The following KANK3 variants were observed in gnomAD, a reference collection of about 807,000 sequenced individuals.
KANK3 encodes the protein KN motif and ankyrin repeat domain-containing protein 3.
Under a neutral mutation model 65.4 loss-of-function variants are expected in KANK3, and 61 were observed. The observed-to-expected ratio is 0.93, with a 90% CI of 0.76 to 1.15. KANK3 has a LOEUF of 1.15. Among genes scored for constraint, KANK3 ranks in the 50% most tolerant of loss-of-function variants. The pLI is 0.00. For synonymous variants in KANK3, 586 were observed against 543.3 expected (o/e 1.08, Z -1.09); for missense variants, 1,187 against 1,178.8 (o/e 1.01, Z -0.10).
intron 1 of KANK3, among the ~76,000 whole-genome samples, chr19:8,338,335 T>C (rs1377894750): frequency 6.6e-6 from 1 of 152,048 alleles, no homozygotes; most frequent in East Asian, 1.9e-4. Flanking sequence ...CTTGAAACTT[T>C]GGATGGAATG....
chr19:8,322,964 T>C (rs956659410), intron 10 of KANK3, 42 bp from the exon 11 acceptor site: 32 of 1,153,624 alleles, frequency 2.8e-5, no homozygotes, highest in Non-Finnish European at 3.8e-5. Context: ...GCAATCTCCT[T>C]GAGGCAGGAA....
chr19:8,335,687 T>C lies in KANK3; in HGVS notation c.140A>G (p.Asp47Gly). The C allele has an allele frequency of 8.0e-7, 1 of 1,253,932 alleles. No individual in the cohort carries two copies. The highest frequency in any genetic ancestry group is 1.0e-6 in the Non-Finnish European group (1 of 995,382). 77.7% of individuals were successfully genotyped at this position (1,253,932 alleles called of 1,614,324 possible). Residue 47 changes from aspartate (D) to glycine (G), a missense_variant, in exon 3 of 11, where the codon GAC becomes GGC. By Grantham distance (94) the Asp-to-Gly change is moderately conservative. Around this residue, in one of 3 missense-constraint regions of KANK3, gnomAD observed 104 missense variants for 122.1 expected, o/e 0.85. Transcript: ENST00000330915. ...CAGCTCCTCTATGTACTTGAGGAAG[T>C]CCAGGTCCAGGTGGAAGCCGTAGGG... ...ETPYGFHLDL[D>G]FLKYIEELER...
At chr19:8,337,945 A>AAT in intron 1 of KANK3, 89 bp from the exon 2 acceptor site, 1 of 1,546,524 alleles carries the variant, frequency 6.5e-7, no homozygotes, top group Non-Finnish European at 8.7e-7. Flanking sequence ...ACAGGACCCA[A>AAT]GAGCTCTCCT....
At position 8,324,843 on chromosome 19, in the gene KANK3, G is replaced by A; in HGVS notation, c.2083-13C>T. ...CTGTCTGCCCCGTCTGGGGAGTGGG[G>A]AGGAAGAGGGAACAGGCTGGGGTAG... On this transcript the variant is annotated splice_polypyrimidine_tract_variant and intron_variant, in intron 8 of 10. Transcript: ENST00000330915. 6.2e-7 allele frequency: 1 copy of A among 1,606,586 alleles called. No individual in the cohort carries two copies. The highest frequency in any genetic ancestry group is 1.1e-5 in the South Asian group (1 of 90,914).
chr19:8,324,411 C>T (rs1970380896), intron 10 of KANK3, 38 bp downstream of exon 10: 4 of 1,536,276 alleles, frequency 2.6e-6, no homozygotes, highest in Non-Finnish European at 3.5e-6. Context: ...ACTGAATTTG[C>T]AGCTGGGAAA....
rs1293458907 is a variant in KANK3, at chr19:8,334,594, CT to C, written c.1232del (p.Lys411ArgfsTer14). The part of the protein sequence containing the change: ...TTQTPWSCAE[K>X]AAQTESPAEA... ...CTGCCGGGGACTCGGTCTGCGCGGC[CT>C]TTTCGGCACAGCTCCACGGGGTCTG... On this transcript the variant is annotated frameshift_variant, in exon 3 of 11. Transcript: ENST00000330915. LOFTEE classifies it high-confidence loss of function. 1.3e-6 allele frequency: 2 copies of C among 1,590,220 alleles called. No individual in the cohort carries two copies. Among genetic ancestry groups the C allele is most frequent in the Non-Finnish European group, 8.5e-7 (1 of 1,175,850 alleles).
intron 1 of KANK3, among the ~76,000 whole-genome samples, chr19:8,338,898 AAGG>A (rs1970686127): frequency 2.8e-5 from 3 of 107,786 alleles, no homozygotes; most frequent in African/African-American, 3.1e-5. Context: ...AAAAAAAAAA[AAGG>A]ATGTAATTGT....
At position 8,334,498 on chromosome 19, in the gene KANK3, AC is replaced by A; in HGVS notation, c.1327+1del. 6.2e-7 allele frequency: 1 copy of A among 1,605,166 alleles called. No individual in the cohort carries two copies. The highest frequency in any genetic ancestry group is 8.5e-7 in the Non-Finnish European group (1 of 1,179,508). On this transcript the variant is annotated splice_donor_variant, in intron 3 of 10. Coordinates refer to ENST00000330915, the MANE Select transcript of KANK3 (RefSeq NM_198471.3). LOFTEE classifies it high-confidence loss of function. Reference sequence around the variant, plus strand: ...GGGCCCAGCGACGGGGTCGGGACTCACCCGCGGGCGCCACGGCCCTGTCTCC... The same window carrying A: ...GGGCCCAGCGACGGGGTCGGGACTCACCGCGGGCGCCACGGCCCTGTCTCC...
rs1483402868 is a variant in KANK3 at position 8,324,979 on chromosome 19, A to G, written c.2054T>C (p.Met685Thr). 12 of 1,613,562 alleles carry G rather than the reference A, an allele frequency of 7.4e-6. No individual in the cohort carries two copies. Among genetic ancestry groups the G allele is most frequent in the Non-Finnish European group, 1.0e-5 (12 of 1,179,986 alleles). Residue 685 changes from methionine (M) to threonine (T), a missense_variant, in exon 8 of 11, where the codon ATG (methionine) becomes ACG (threonine). By Grantham distance (81) the Met-to-Thr change is moderately conservative. This residue lies in a region of KANK3 where 1,078 missense variants were observed against 1,038.2 expected (regional missense o/e 1.04). Coordinates refer to ENST00000330915, the MANE Select transcript of KANK3 (RefSeq NM_198471.3). The part of the protein sequence containing the change: ...DMAVVQRLFC[M>T]GDVNAKASQT... The stretch of plus-strand genomic sequence containing the variant: ...ACTGGCCTTGGCATTGACATCACCC[A>G]TGCAGAAGAGTCTCTGGACCACAGC...
At chr19:8,329,774 C>T (rs1970493841) in intron 7 of KANK3, among the ~76,000 whole-genome samples, 2 of 152,176 alleles carry the variant, frequency 1.3e-5, no homozygotes, top group South Asian at 2.1e-4. Context: ...GGGATTGGCT[C>T]ACTGTCAATC....
In KANK3 at chr19:8,324,765, C is replaced by G. The variant is rs772364975; in HGVS notation, c.2148G>C (p.Leu716=). ...HGRQDMVATL[L]ACGADVNAQD... ...GCGCATTCACATCAGCCCCACACGC[C>G]AGTAGGGTTGCCACCATGTCCTGTC... Residue 716 remains leucine, a synonymous_variant, in exon 9 of 11, where the codon CTG becomes CTC. Transcript: ENST00000330915. The G allele has an allele frequency of 3.1e-6, 5 of 1,613,978 alleles. No individual in the cohort carries two copies. The Admixed American group carries it at 8.3e-5, about 27-fold the overall frequency.
At chr19:8,332,985 T>TGGG in intron 7 of KANK3, 29 bp downstream of exon 7, 4 of 585,686 alleles carry the variant, frequency 6.8e-6, no homozygotes, top group Non-Finnish European at 1.3e-5. Flanking sequence ...CATTTCCTGG[T>TGGG]GTCCCACCCA....
rs1484111375 is a variant in KANK3 at position 8,335,363 on chromosome 19, C to T, written c.464G>A (p.Arg155His). The T allele has an allele frequency of 4.2e-6, 5 of 1,195,266 alleles. No individual in the cohort carries two copies. Among genetic ancestry groups the T allele is most frequent in the Non-Finnish European group, 5.2e-6 (5 of 965,024 alleles). The allele number at this position is 1,195,266 out of a possible 1,614,324, so 74.0% of individuals were successfully genotyped here. ...QTHERAPSPG[R>H]GVPRSPRGSG... The stretch of plus-strand genomic sequence containing the variant: ...CCCGCGTGGGCTGCGCGGGACCCCG[C>T]GGCCGGGGCTGGGCGCGCGCTCGTG... Residue 155 changes from arginine (R) to histidine (H), a missense_variant, in exon 3 of 11, where the codon CGC becomes CAC. This residue lies in a region of KANK3 where 1,078 missense variants were observed against 1,038.2 expected (regional missense o/e 1.04). Coordinates refer to ENST00000330915, the MANE Select transcript of KANK3 (RefSeq NM_198471.3).
chr19:8,329,238 A>G (rs763459938), intron 7 of KANK3, among the ~76,000 whole-genome samples: 6 of 149,958 alleles, frequency 4.0e-5, no homozygotes, highest in Admixed American at 2.0e-4. Flanking sequence ...TATAATCCCA[A>G]TACTTTGGGA....
intron 1 of KANK3, among the ~76,000 whole-genome samples, chr19:8,340,987 C>T (rs556801572): frequency 6.6e-6 from 1 of 152,162 alleles, no homozygotes; most frequent in South Asian, 2.1e-4. Flanking sequence ...CACAGCTGGC[C>T]GTATGACGCA....
At chr19:8,342,398 G>A (rs1047177517) in intron 1 of KANK3, among the ~76,000 whole-genome samples, 2 of 152,156 alleles carry the variant, frequency 1.3e-5, no homozygotes, top group Non-Finnish European at 1.5e-5. Flanking sequence ...TAAGTGGGGC[G>A]TTTAGCTGCC....
chr19:8,335,478 G>A lies in KANK3; in HGVS notation c.349C>T (p.Gln117Ter). 8.1e-7 allele frequency: 1 copy of A among 1,238,120 alleles called. No individual in the cohort carries two copies. The allele number at this position is 1,238,120 out of a possible 1,614,324, so 76.7% of individuals were successfully genotyped here. The change falls in exon 3 of 11, where the codon CAG becomes TAG. Residue 117 changes from glutamine (Q) to a stop codon, truncating the protein, a stop_gained. Transcript: ENST00000330915. LOFTEE classifies it high-confidence loss of function. ...ACGGGCGCGCGCGGCGACAGCGGCT[G>A]CATCAGGAGCCCCGAGGGCGCGCCC... ...SQGAPSGLLM[Q>*]PLSPRAPVRN...
chr19:8,337,745 T>C, intron 2 of KANK3, 50 bp downstream of exon 2: 3 of 1,599,876 alleles, frequency 1.9e-6, no homozygotes, highest in Non-Finnish European at 2.6e-6. Flanking sequence ...CATCAAGCGT[T>C]TCTCTGTGCA....
At position 8,335,606 on chromosome 19, in the gene KANK3, C is replaced by T. The variant is rs961184386; in HGVS notation, c.221G>A (p.Arg74His). Residue 74 changes from arginine to histidine, a missense_variant, in exon 3 of 11, where the codon CGC becomes CAC. Around this residue, in one of 3 missense-constraint regions of KANK3, gnomAD observed 104 missense variants for 122.1 expected, o/e 0.85. Transcript: ENST00000330915. ...GCCCGCGAGGCCGGGCCGGGGCGCGCGGGGACGGCGCGAGGTCGGGGGTCC... is the reference window on the plus strand; with the variant it reads ...GCCCGCGAGGCCGGGCCGGGGCGCGTGGGGACGGCGCGAGGTCGGGGGTCC... ...APGPPTSRRP[R>H]APRPGLAGAR... 8.1e-6 allele frequency: 10 copies of T among 1,234,108 alleles called. No homozygotes were observed. In the African/African-American group the frequency reaches 1.6e-4, roughly 19 times the overall value. The allele number at this position is 1,234,108 out of a possible 1,614,324, so 76.4% of individuals were successfully genotyped here. A position where few individuals can be genotyped will look rare whatever the true frequency, so the allele number is the denominator to read the frequency against.
Sources: gnomAD v4.1 joint callset for allele counts (sites outside exome capture counted in the v4.1 genomes callset) on GRCh38, gnomAD v4.1.1 for gene constraint, gnomAD v4.1.1 regional missense constraint, MANE v1.5 for transcripts, NCBI Gene and HGNC (gene_info 2026-07-23, HGNC 2026-07-21) for gene names.